Variants in SEC22A observed in about 807,000 individuals in gnomAD.
The protein encoded by SEC22A is vesicle-trafficking protein SEC22a.
SEC22A carries 22 observed loss-of-function variants against 35.3 expected under a neutral mutation model. The observed-to-expected ratio is 0.62, with a 90% CI of 0.45 to 0.89. SEC22A has a LOEUF of 0.89. SEC22A is among the 40% of genes least tolerant of loss of function. SEC22A has a pLI of 0.00. For missense variants in SEC22A, 354 were observed against 362.5 expected (o/e 0.98, Z 0.19); for synonymous variants, 119 against 129.5 (o/e 0.92, Z 0.55).
intron 1 of SEC22A, 96 bp from the exon 2 acceptor site, chr3:123,209,103 C>T: frequency 1.0e-6 from 1 of 963,474 alleles, no homozygotes; most frequent in Non-Finnish European, 1.6e-6. Flanking sequence ...ATTTTAATTA[C>T]TATTCTTATA....
chr3:123,248,720 A>G (rs1937586320), intron 5 of SEC22A, among the ~76,000 whole-genome samples: 1 of 152,260 alleles, frequency 6.6e-6, no homozygotes, highest in African/African-American at 2.4e-5. Context: ...ATGGATATTA[A>G]CAGTGATTCT....
chr3:123,268,518 A>C lies in SEC22A; in HGVS notation c.724-3004A>C, dbSNP rs7612749. On this transcript the variant is annotated intron_variant, in intron 6 of 6. Coordinates refer to ENST00000492595, the MANE Select transcript of SEC22A (RefSeq NM_012430.5). ...AGTGTTTTTATTTGTACTTAGTGGG[A>C]GAAATAGGGAAAAGTGTGTCTACTC... 8.8e-3 allele frequency among the ~76,000 whole-genome samples: 1,344 copies of C among 152,162 alleles called. 8 individuals carry two copies. Among genetic ancestry groups the C allele is most frequent in the African/African-American group, 0.03 (1,261 of 41,506 alleles).
intron 6 of SEC22A, among the ~76,000 whole-genome samples, chr3:123,264,683 C>T (rs1367656384): frequency 2.7e-5 from 4 of 149,824 alleles, no homozygotes; most frequent in African/African-American, 9.9e-5. Flanking sequence ...GGCTGAAGTG[C>T]AGTGTCATGA....
At chr3:123,258,682 T>A (rs138132901) in intron 5 of SEC22A, among the ~76,000 whole-genome samples, 1,910 of 152,220 alleles carry the variant, frequency 0.013, 40 homozygotes, top group African/African-American at 0.044. Context: ...AATGAGATAC[T>A]CTTCTGTGTC....
intron 1 of SEC22A, among the ~76,000 whole-genome samples, chr3:123,204,269 G>T (rs1287436644): frequency 6.6e-6 from 1 of 152,042 alleles, no homozygotes; most frequent in African/African-American, 2.4e-5. Context: ...AAAAAATAAA[G>T]GACAAGAAAA....
At chr3:123,209,473 A>G (rs1020383791) in intron 2 of SEC22A, 74 bp downstream of exon 2, 37 of 1,252,138 alleles carry the variant, frequency 3.0e-5, no homozygotes, top group Non-Finnish European at 3.8e-5. Context: ...AGTGGTTGCA[A>G]TAGAAAGGAG....
chr3:123,209,751 C>T (rs1217598943), intron 2 of SEC22A, among the ~76,000 whole-genome samples: 5 of 152,148 alleles, frequency 3.3e-5, no homozygotes, highest in African/African-American at 7.2e-5. Flanking sequence ...AAGCAACTTA[C>T]GTCTAGTGGG....
intron 2 of SEC22A, among the ~76,000 whole-genome samples, chr3:123,211,226 G>T (rs931070173): frequency 6.6e-6 from 1 of 152,134 alleles, no homozygotes; most frequent in African/African-American, 2.4e-5. Context: ...AACACCAAAA[G>T]AACTAGAATG....
intron 4 of SEC22A, among the ~76,000 whole-genome samples, chr3:123,242,501 CT>C (rs11448666): frequency 4.4e-4 from 64 of 146,690 alleles, no homozygotes; most frequent in Admixed American, 1.4e-3. Flanking sequence ...TTCCCCATTT[CT>C]TTTTTTTTTT....
chr3:123,223,484 A>G, intron 2 of SEC22A, 75 bp from the exon 3 acceptor site: 4 of 1,158,962 alleles, frequency 3.5e-6, no homozygotes, highest in Non-Finnish European at 5.1e-6. Flanking sequence ...TATGGTGTAT[A>G]GAACCAGTCT....
At chr3:123,233,994 A>T (rs1250081018) in intron 4 of SEC22A, among the ~76,000 whole-genome samples, 1 of 152,244 alleles carries the variant, frequency 6.6e-6, no homozygotes, top group Non-Finnish European at 1.5e-5. Context: ...CTAATAAATG[A>T]GTTCAGTGAG....
At chr3:123,206,086 C>A (rs1386798027) in intron 1 of SEC22A, among the ~76,000 whole-genome samples, 1 of 152,074 alleles carries the variant, frequency 6.6e-6, no homozygotes, top group Non-Finnish European at 1.5e-5. Flanking sequence ...CCTAGAGAGG[C>A]CAGACATAAA....
intron 6 of SEC22A, among the ~76,000 whole-genome samples, chr3:123,269,142 T>C (rs1357181592): frequency 6.6e-6 from 1 of 151,790 alleles, no homozygotes; most frequent in African/African-American, 2.4e-5. Flanking sequence ...TAGAGACCTA[T>C]TATTTTAAAA....
chr3:123,271,473 T>A (rs1037885021), intron 6 of SEC22A, 49 bp from the exon 7 acceptor site: 32 of 1,481,898 alleles, frequency 2.2e-5, no homozygotes, highest in Non-Finnish European at 2.9e-5. Context: ...GAAACATCTG[T>A]TTCTTTTCCT....
intron 1 of SEC22A, among the ~76,000 whole-genome samples, chr3:123,204,349 T>G (rs1189615338): frequency 6.6e-6 from 1 of 152,232 alleles, no homozygotes; most frequent in Admixed American, 6.5e-5. Context: ...AAAGTGGTAC[T>G]TGGATGACTG....
chr3:123,223,560 T>G lies in SEC22A; in HGVS notation c.184T>G (p.Phe62Val). 1 of 1,610,674 alleles carries G rather than the reference T, an allele frequency of 6.2e-7. No individual in the cohort carries two copies. ...TLKTGHYNIN[F>V]ISSLGVSYMM... The stretch of plus-strand genomic sequence containing the variant: ...AAACCAATGTTTTTTACACTGTAGT[T>G]TTATTAGCTCTCTGGGAGTGAGCTA... The change falls in exon 3 of 7, where the codon TTT becomes GTT. Residue 62 changes from phenylalanine to valine, a missense_variant and splice_region_variant. Physicochemically the swap from Phe to Val is conservative, Grantham distance 50. Coordinates refer to ENST00000492595, the MANE Select transcript of SEC22A (RefSeq NM_012430.5).
At chr3:123,240,778 G>A (rs997310847) in intron 4 of SEC22A, among the ~76,000 whole-genome samples, 1 of 151,870 alleles carries the variant, frequency 6.6e-6, no homozygotes, top group Non-Finnish European at 1.5e-5. Flanking sequence ...CCGACATTTA[G>A]TGTTGTTAGT....
At chr3:123,268,683 C>T (rs1306634357) in intron 6 of SEC22A, among the ~76,000 whole-genome samples, 1 of 152,130 alleles carries the variant, frequency 6.6e-6, no homozygotes, top group African/African-American at 2.4e-5. Flanking sequence ...GACTTCATAT[C>T]ACATCTAAGA....
chr3:123,256,995 G>A (rs902837399), intron 5 of SEC22A, among the ~76,000 whole-genome samples: 3 of 152,102 alleles, frequency 2.0e-5, no homozygotes, highest in Admixed American at 6.5e-5. Flanking sequence ...TCCTGACCTC[G>A]TGATCTGCCC....
Sources: gnomAD v4.1 joint callset for allele counts (sites outside exome capture counted in the v4.1 genomes callset) on GRCh38, gnomAD v4.1.1 for gene constraint, MANE v1.5 for transcripts, NCBI Gene and HGNC (gene_info 2026-07-23, HGNC 2026-07-21) for gene names.